Variants in PTPN11 observed in about 807,000 individuals in gnomAD.
PTPN11 encodes protein tyrosine phosphatase non-receptor type 11, also known as tyrosine-protein phosphatase non-receptor type 11.
In PTPN11, 6 loss-of-function variants were observed where a neutral mutation model predicts 78.8. The observed-to-expected ratio is 0.08, with a 90% CI of 0.04 to 0.15. The LOEUF (loss-of-function observed/expected upper bound fraction) is 0.15. PTPN11 is among the 10% of genes least tolerant of loss of function. The pLI is 1.00. For synonymous variants in PTPN11, 221 were observed against 263.5 expected (o/e 0.84, Z 1.56); for missense variants, 386 against 744.8 (o/e 0.52, Z 5.61).
At chr12:112,453,642 TTC>T (rs2038109952) in intron 4 of PTPN11, among the ~76,000 whole-genome samples, 1 of 151,626 alleles carries the variant, frequency 6.6e-6, no homozygotes, top group African/African-American at 2.4e-5. Flanking sequence ...AAGTCAGATT[TTC>T]TGTTTTTTTT....
chr12:112,436,287 C>T (rs1265717086), intron 1 of PTPN11, among the ~76,000 whole-genome samples: 1 of 152,110 alleles, frequency 6.6e-6, no homozygotes, highest in Non-Finnish European at 1.5e-5. Flanking sequence ...ATTAAGGTAA[C>T]AACAAGCAAA....
chr12:112,445,156 G>A (rs1473516409), intron 1 of PTPN11, among the ~76,000 whole-genome samples: 1 of 151,792 alleles, frequency 6.6e-6, no homozygotes, highest in African/African-American at 2.4e-5. Context: ...TTTTGAGATG[G>A]AGTCTTGCTC....
rs567490227 is a variant in PTPN11 at position 112,424,867 on chromosome 12, T to TTGTGTGTG, written c.14+5758_14+5765dup. On this transcript the variant is annotated intron_variant, in intron 1 of 15. Coordinates refer to ENST00000351677, the MANE Select transcript of PTPN11 (RefSeq NM_002834.5). ...GGCACACGCCACCATGTCAGGCTAA[T>TTGTGTGTG]TGTGTGTGTGTGTGTGTGTGTGTAT... 8.9e-5 allele frequency among the ~76,000 whole-genome samples: 12 copies of TTGTGTGTG among 135,084 alleles called. 1 individual carries two copies. The highest frequency in any genetic ancestry group is 3.3e-4 in the Admixed American group (4 of 12,306). The allele number at this position is 135,084 out of a possible 152,430, so 88.6% of individuals were successfully genotyped here.
intron 10 of PTPN11, among the ~76,000 whole-genome samples, chr12:112,483,127 G>A (rs1029157718): frequency 6.6e-6 from 1 of 151,274 alleles, no homozygotes; most frequent in African/African-American, 2.4e-5. Flanking sequence ...ATTATAAACT[G>A]TAATCAGGGC....
intron 3 of PTPN11, 24 bp downstream of exon 3, chr12:112,450,536 A>G (rs2038065896): frequency 1.2e-6 from 2 of 1,603,874 alleles, no homozygotes; most frequent in Non-Finnish European, 1.7e-6. Flanking sequence ...TAGTGACCAC[A>G]AAGTCTGCTG....
intron 4 of PTPN11, 85 bp from the exon 5 acceptor site, chr12:112,454,479 T>C: frequency 1.0e-6 from 1 of 967,384 alleles, no homozygotes; most frequent in Non-Finnish European, 1.7e-6. Flanking sequence ...TTGTGAATAA[T>C]GCTGCAGTGA....
At chr12:112,439,604 G>A (rs1007028751) in intron 1 of PTPN11, among the ~76,000 whole-genome samples, 4 of 152,000 alleles carry the variant, frequency 2.6e-5, no homozygotes, top group African/African-American at 9.7e-5. Context: ...GAGTAGCTGG[G>A]ACTATAGGCG....
rs144391508 is a variant in PTPN11, at chr12:112,477,621, T to C, written c.854-30T>C. 7,432 of 1,561,580 alleles carry C rather than the reference T, an allele frequency of 4.8e-3. 484 individuals are homozygous for C. In the Admixed American group the frequency reaches 0.11, roughly 24 times the overall value. On this transcript the variant is annotated intron_variant, in intron 7 of 15. Transcript: ENST00000351677. ...GTTTTTTCCTGAAGCAGTCCAGGACTTATGTGACCGTGGTCTCTTTTTCTT... is the reference window on the plus strand; with the variant it reads ...GTTTTTTCCTGAAGCAGTCCAGGACCTATGTGACCGTGGTCTCTTTTTCTT...
rs1471067408 is a variant in PTPN11 at position 112,454,545 on chromosome 12, CAT to C, written c.526-18_526-17del. The C allele has an allele frequency of 6.5e-7, 1 of 1,539,218 alleles. No individual in the cohort carries two copies. Among genetic ancestry groups the C allele is most frequent in the Admixed American group, 1.7e-5 (1 of 59,874 alleles). On this transcript the variant is annotated splice_polypyrimidine_tract_variant and intron_variant, in intron 4 of 15. Coordinates refer to ENST00000351677, the MANE Select transcript of PTPN11 (RefSeq NM_002834.5). Reference sequence around the variant, plus strand: ...CATAAAGGTAACAAATAATAAATGTCATGTGTTTATCTTGAAAGGAACTGAAA... The same window carrying C: ...CATAAAGGTAACAAATAATAAATGTCGTGTTTATCTTGAAAGGAACTGAAA...
At chr12:112,431,288 C>T (rs73209627) in intron 1 of PTPN11, among the ~76,000 whole-genome samples, 2,591 of 152,252 alleles carry the variant, frequency 0.017, 27 homozygotes, top group Non-Finnish European at 0.027. Flanking sequence ...TGTTCCTACT[C>T]GGGATGCTGA....
rs1007984193 is a variant in PTPN11, at chr12:112,446,488, C to T, written c.137+90C>T. Reference sequence around the variant, plus strand: ...CTTGGATAGCTTGCTGCCTGCATTTCGAGTTTGAAGGCCTTATCTGAGCCC... The same window carrying T: ...CTTGGATAGCTTGCTGCCTGCATTTTGAGTTTGAAGGCCTTATCTGAGCCC... On this transcript the variant is annotated intron_variant, in intron 2 of 15. Transcript: ENST00000351677. The T allele has an allele frequency of 3.2e-5, 51 of 1,585,422 alleles. No homozygotes were observed. In the South Asian group the frequency reaches 4.4e-4, roughly 14 times the overall value.
rs2135907766 is a variant in PTPN11 at position 112,482,808 on chromosome 12, A to C, written c.1224+603A>C. Among the ~76,000 whole-genome samples the C allele has an allele frequency of 6.6e-6, 1 of 152,286 alleles. No homozygotes were observed. Among genetic ancestry groups the C allele is most frequent in the South Asian group, 2.1e-4 (1 of 4,824 alleles). On this transcript the variant is annotated intron_variant, in intron 10 of 15. Coordinates refer to ENST00000351677, the MANE Select transcript of PTPN11 (RefSeq NM_002834.5). The surrounding 1 kb of genome is among the most constrained non-coding windows in gnomAD (Gnocchi z 4.4). The stretch of plus-strand genomic sequence containing the variant: ...TTGGAGGAGGAAGGAGGGATTCAAG[A>C]CACATTGTAGAGGTTTGAGTCTGAG...
At chr12:112,475,172 A>G (rs2038480580) in intron 7 of PTPN11, among the ~76,000 whole-genome samples, 1 of 152,134 alleles carries the variant, frequency 6.6e-6, no homozygotes, top group African/African-American at 2.4e-5. Context: ...CCATTTTAGC[A>G]AGGTTATAAG....
chr12:112,454,711 C>T, intron 5 of PTPN11, 31 bp downstream of exon 5: 1 of 1,494,548 alleles, frequency 6.7e-7, no homozygotes, highest in Non-Finnish European at 9.3e-7. Flanking sequence ...AAGCTTTCTC[C>T]TTAAAAACTT....
chr12:112,428,225 A>T (rs2037652906), intron 1 of PTPN11, among the ~76,000 whole-genome samples: 1 of 152,108 alleles, frequency 6.6e-6, no homozygotes, highest in Non-Finnish European at 1.5e-5. Flanking sequence ...AATTGTAATA[A>T]ACTTGTTGAT....
Position 112,442,850 on chromosome 12 carries a change from ATATATATATATATATATATATATATAT to A in PTPN11, c.15-3425_15-3399del, listed in dbSNP as rs2037921787. Among the ~76,000 whole-genome samples the A allele has an allele frequency of 2.3e-4, 16 of 70,352 alleles. 1 individual carries two copies. The East Asian group carries it at 0.021, about 94-fold the overall frequency. 46.2% of individuals were successfully genotyped at this position (70,352 alleles called of 152,430 possible). Reference sequence around the variant, plus strand: ...TCTTTTTATATATATATATATATATATATATATATATATATATATATATATATAAATTATATATACACTACACATATA... The same window carrying A: ...TCTTTTTATATATATATATATATATAAAATTATATATACACTACACATATA... On this transcript the variant is annotated intron_variant, in intron 1 of 15. Coordinates refer to ENST00000351677, the MANE Select transcript of PTPN11 (RefSeq NM_002834.5).
chr12:112,492,729 G>A (rs1276899418), intron 13 of PTPN11, among the ~76,000 whole-genome samples: 3 of 152,032 alleles, frequency 2.0e-5, no homozygotes, highest in Non-Finnish European at 4.4e-5. Flanking sequence ...GTGTTAGCCA[G>A]GATGGTCTTG....
At chr12:112,476,234 C>A (rs1233567105) in intron 7 of PTPN11, among the ~76,000 whole-genome samples, 1 of 152,132 alleles carries the variant, frequency 6.6e-6, no homozygotes, top group East Asian at 1.9e-4. Context: ...GCTTTTTCCT[C>A]CCTTAAAGGT....
intron 1 of PTPN11, among the ~76,000 whole-genome samples, chr12:112,426,855 T>C (rs1023847353): frequency 5.3e-5 from 8 of 152,130 alleles, no homozygotes; most frequent in Non-Finnish European, 1.0e-4. Context: ...CAGGCTGGTC[T>C]TGAACTCTGG....
Sources: gnomAD v4.1 joint callset for allele counts (sites outside exome capture counted in the v4.1 genomes callset) on GRCh38, gnomAD v4.1.1 for gene constraint, Gnocchi (gnomAD v3.1) non-coding constraint, MANE v1.5 for transcripts, NCBI Gene and HGNC (gene_info 2026-07-23, HGNC 2026-07-21) for gene names.